RBBP8: variants seen among roughly 807,000 people sequenced by gnomAD.
The protein encoded by RBBP8 is RB binding protein 8, endonuclease.
In RBBP8, 88 loss-of-function variants were observed where a neutral mutation model predicts 108.3. That is an observed-to-expected ratio of 0.81 (90% CI 0.68 to 0.97). RBBP8 has a LOEUF of 0.97. Ranked by LOEUF, RBBP8 falls within the 50% of genes least tolerant of loss-of-function variation. RBBP8 has a pLI of 0.00. For synonymous variants in RBBP8, 332 were observed against 348.2 expected (o/e 0.95, Z 0.52); for missense variants, 1,023 against 1,049.0 (o/e 0.98, Z 0.34).
At chr18:22,983,940 G>A (rs1915134784) in intron 7 of RBBP8, among the ~76,000 whole-genome samples, 1 of 152,118 alleles carries the variant, frequency 6.6e-6, no homozygotes, top group African/African-American at 2.4e-5. Context: ...AATTAGCTGG[G>A]CGTGGTGGCA....
At chr18:23,010,335 C>T (rs546053636) in intron 16 of RBBP8, among the ~76,000 whole-genome samples, 400 of 152,266 alleles carry the variant, frequency 2.6e-3, no homozygotes, top group Non-Finnish European at 4.6e-3. Context: ...TTCCAGGTGG[C>T]TCATGCCTGT....
chr18:22,960,706 A>G (rs943152787), intron 4 of RBBP8, among the ~76,000 whole-genome samples: 5 of 152,204 alleles, frequency 3.3e-5, no homozygotes, highest in Admixed American at 3.3e-4. Context: ...CCAAAGTGCT[A>G]AGATTATAGG....
chr18:22,924,490 T>C (rs1337656657), intron 3 of RBBP8, among the ~76,000 whole-genome samples: 1 of 151,732 alleles, frequency 6.6e-6, no homozygotes, highest in African/African-American at 2.4e-5. Context: ...GTACAGTGCA[T>C]GGCTCACTGC....
chr18:23,022,275 G>A lies in RBBP8; in HGVS notation c.2596+5G>A. On this transcript the variant is annotated splice_donor_5th_base_variant and intron_variant, in intron 18 of 18. Coordinates refer to ENST00000327155, the MANE Select transcript of RBBP8 (RefSeq NM_002894.3). ...CTCAGACTTGTATGGAAAGAGGTGAGAGTATAGATTGTAACATTTTATAAT... is the reference window on the plus strand; with the variant it reads ...CTCAGACTTGTATGGAAAGAGGTGAAAGTATAGATTGTAACATTTTATAAT... The A allele has an allele frequency of 6.2e-7, 1 of 1,604,096 alleles. No homozygotes were observed. Among genetic ancestry groups the A allele is most frequent in the South Asian group, 1.1e-5 (1 of 90,464 alleles).
chr18:22,995,276 T>C (rs1032647742), intron 12 of RBBP8, among the ~76,000 whole-genome samples: 37 of 152,284 alleles, frequency 2.4e-4, no homozygotes, highest in African/African-American at 8.7e-4. Context: ...ATGGTTGCTC[T>C]AGGGATTACA....
chr18:22,914,743 G>C (rs914486891), intron 1 of RBBP8, among the ~76,000 whole-genome samples: 5 of 152,142 alleles, frequency 3.3e-5, no homozygotes, highest in South Asian at 2.1e-4. Flanking sequence ...TGGCCGGCTG[G>C]TGATCCTAAG....
At chr18:23,005,296 C>T (rs758954698) in intron 15 of RBBP8, among the ~76,000 whole-genome samples, 1 of 152,242 alleles carries the variant, frequency 6.6e-6, no homozygotes, top group Non-Finnish European at 1.5e-5. Context: ...ATGTTCCCAA[C>T]ACAAAGAAAT....
At chr18:23,024,382 A>G (rs1040693781) in intron 18 of RBBP8, among the ~76,000 whole-genome samples, 2 of 152,248 alleles carry the variant, frequency 1.3e-5, no homozygotes, top group Non-Finnish European at 2.9e-5. Context: ...ATCCTAAAAC[A>G]TGAGCTAAAT....
At chr18:23,001,224 G>C (rs754917677) in intron 14 of RBBP8, among the ~76,000 whole-genome samples, 8 of 152,158 alleles carry the variant, frequency 5.3e-5, no homozygotes, top group Non-Finnish European at 7.3e-5. Flanking sequence ...GTGTCTACAA[G>C]CCTTTCACTA....
intron 14 of RBBP8, 125 bp downstream of exon 14, chr18:22,997,859 A>G: frequency 1.4e-6 from 1 of 726,098 alleles, no homozygotes. Flanking sequence ...TGCTCTGTTA[A>G]CTTTATGTTC....
chr18:22,949,767 G>A (rs1911881395), intron 4 of RBBP8, 54 bp downstream of exon 4: 2 of 1,294,978 alleles, frequency 1.5e-6, no homozygotes, highest in Admixed American at 1.7e-5. Flanking sequence ...ATAATAAGAA[G>A]TACATTGACT....
intron 9 of RBBP8, among the ~76,000 whole-genome samples, chr18:22,989,898 G>A (rs983856545): frequency 7.2e-5 from 11 of 152,052 alleles, no homozygotes; most frequent in African/African-American, 2.4e-4. Context: ...CAAACACTTG[G>A]CCTCAAGAGA....
chr18:22,925,361 A>C (rs1049495967), intron 3 of RBBP8, among the ~76,000 whole-genome samples: 1 of 152,236 alleles, frequency 6.6e-6, no homozygotes. Flanking sequence ...TGAACATAAA[A>C]CATTTTTAAA....
chr18:22,945,848 A>C (rs1911516370), intron 2 of RBBP8, among the ~76,000 whole-genome samples: 2 of 151,962 alleles, frequency 1.3e-5, no homozygotes, highest in African/African-American at 4.8e-5. Context: ...TAGAAATGTC[A>C]CCCTGTTTTG....
chr18:23,010,114 T>C (rs1319108014), intron 16 of RBBP8, among the ~76,000 whole-genome samples: 2 of 152,300 alleles, frequency 1.3e-5, no homozygotes, highest in African/African-American at 4.8e-5. Context: ...TATATAGCGA[T>C]ATTCCTCATT....
chr18:22,980,737 CAG>C (rs1210664243), intron 6 of RBBP8, among the ~76,000 whole-genome samples: 18 of 139,356 alleles, frequency 1.3e-4, no homozygotes, highest in Non-Finnish European at 2.3e-4. Context: ...TTTTTGGAGA[CAG>C]GGTCTCACTG....
At chr18:23,023,037 C>G (rs1016400195) in intron 18 of RBBP8, among the ~76,000 whole-genome samples, 8 of 151,884 alleles carry the variant, frequency 5.3e-5, no homozygotes, top group Non-Finnish European at 1.2e-4. Flanking sequence ...GCTAGGACTA[C>G]AGCCTTGTGC....
chr18:23,023,648 C>G (rs142397056), intron 18 of RBBP8, among the ~76,000 whole-genome samples: 5 of 152,166 alleles, frequency 3.3e-5, no homozygotes, highest in African/African-American at 1.2e-4. Flanking sequence ...CTAGGACTAT[C>G]AATCTGGACA....
intron 6 of RBBP8, chr18:22,977,770 T>C (rs1914594148): frequency 6.6e-6 from 1 of 152,174 alleles, no homozygotes; most frequent in Non-Finnish European, 1.5e-5. Context: ...TTATATTTCT[T>C]GATTATGACT....
Sources: allele counts gnomAD v4.1 joint callset (sites outside exome capture counted in the v4.1 genomes callset), GRCh38; gene constraint gnomAD v4.1.1; transcripts MANE v1.5; gene names NCBI Gene and HGNC (gene_info 2026-07-23, HGNC 2026-07-21).